The following CACNB4 variants were observed in gnomAD, a reference collection of about 807,000 sequenced individuals.
CACNB4 encodes the protein calcium voltage-gated channel auxiliary subunit beta 4.
Under a neutral mutation model 71.2 loss-of-function variants are expected in CACNB4, and 32 were observed. The observed-to-expected ratio is 0.45, with a 90% CI of 0.34 to 0.60. The LOEUF is 0.60. CACNB4 is among the 20% of genes least tolerant of loss of function. The pLI is 0.01. For missense variants in CACNB4, 464 were observed against 647.9 expected (o/e 0.72, Z 3.08); for synonymous variants, 231 against 236.9 (o/e 0.97, Z 0.23).
chr2:152,095,811 T>C (rs978771634), intron 2 of CACNB4, among the ~76,000 whole-genome samples: 13 of 151,980 alleles, frequency 8.6e-5, no homozygotes, highest in Non-Finnish European at 1.0e-4. Flanking sequence ...ACCACCACGC[T>C]TGGCAAATTT....
chr2:151,970,348 T>C lies in CACNB4; in HGVS notation c.148-86978A>G, dbSNP rs1028626367. ...GCAATATATTAACAATGACTATTTC[T>C]GGGTGGTAGGTTTTTGGTAACTTTC... is the stretch of plus-strand genomic sequence containing the variant. On this transcript the variant is annotated intron_variant, in intron 2 of 13. Coordinates refer to ENST00000539935, the MANE Select transcript of CACNB4 (RefSeq NM_000726.5). The C allele has an allele frequency of 2.0e-5, 3 of 152,210 alleles. No individual in the cohort carries two copies. In the East Asian group the frequency reaches 5.8e-4, roughly 29 times the overall value. 9.4% of individuals were successfully genotyped at this position (152,210 alleles called of 1,614,324 possible). A position where few individuals can be genotyped will look rare whatever the true frequency, so the allele number is the denominator to read the frequency against.
chr2:151,971,409 C>A, intron 2 of CACNB4: 4 of 653,596 alleles, frequency 6.1e-6, no homozygotes, highest in Admixed American at 4.6e-5. Context: ...CACCCCCAAC[C>A]GAAGTGCCGT....
intron 2 of CACNB4, among the ~76,000 whole-genome samples, chr2:151,888,451 C>T (rs939668191): frequency 4.6e-5 from 7 of 151,818 alleles, no homozygotes; most frequent in Non-Finnish European, 7.4e-5. Context: ...CTTATAGCCC[C>T]ACTACTTGGG....
chr2:152,024,229 G>T (rs1683841116), intron 2 of CACNB4, among the ~76,000 whole-genome samples: 1 of 152,212 alleles, frequency 6.6e-6, no homozygotes, highest in Non-Finnish European at 1.5e-5. Flanking sequence ...AGGCTGAGAT[G>T]GAAGGACAAA....
At chr2:151,908,984 C>A (rs2099855478) in intron 2 of CACNB4, among the ~76,000 whole-genome samples, 1 of 150,274 alleles carries the variant, frequency 6.7e-6, no homozygotes, top group Non-Finnish European at 1.5e-5. Flanking sequence ...AGAAAGGGAA[C>A]AGGTGTTATG....
intron 2 of CACNB4, among the ~76,000 whole-genome samples, chr2:151,976,672 A>G (rs535203917): frequency 1.3e-5 from 2 of 152,196 alleles, no homozygotes; most frequent in Non-Finnish European, 2.9e-5. Flanking sequence ...AACCCCAGTG[A>G]GACGCTCAGC....
At chr2:151,850,834 A>G (rs1182976182) in intron 12 of CACNB4, 2 of 152,224 alleles carry the variant, frequency 1.3e-5, no homozygotes, top group South Asian at 2.1e-4. Context: ...TTATTTTCCC[A>G]TAACACTTAC....
intron 2 of CACNB4, among the ~76,000 whole-genome samples, chr2:151,924,073 CTTTTT>C (rs59036016): frequency 1.1e-5 from 1 of 91,416 alleles, no homozygotes; most frequent in Non-Finnish European, 1.9e-5. Flanking sequence ...ATTCTGAAAT[CTTTTT>C]TTTTTTTTTT....
In CACNB4 at chr2:152,068,256, G is replaced by A. The variant is rs117136031; in HGVS notation, c.147+30074C>T. ...CCATTAGCAACTCTCCCTTCCTCTT[G>A]CTAGAGGAGAGCAATATCCCCTTGC... On this transcript the variant is annotated intron_variant, in intron 2 of 13. Transcript: ENST00000539935. Among the ~76,000 whole-genome samples the A allele has an allele frequency of 5.2e-4, 79 of 152,232 alleles. No individual in the cohort carries two copies. In the East Asian group the frequency reaches 0.01, roughly 20 times the overall value.
At chr2:152,055,701 T>A (rs2105311800) in intron 2 of CACNB4, among the ~76,000 whole-genome samples, 1 of 152,334 alleles carries the variant, frequency 6.6e-6, no homozygotes, top group South Asian at 2.1e-4. Flanking sequence ...AATTAATCCT[T>A]AAAATAGCTT....
intron 2 of CACNB4, among the ~76,000 whole-genome samples, chr2:151,991,240 C>T (rs1681688058): frequency 6.6e-6 from 1 of 152,196 alleles, no homozygotes; most frequent in South Asian, 2.1e-4. Context: ...CGGCTCCAGA[C>T]TAGTCTTAGG....
At chr2:152,030,302 G>A (rs558192993) in intron 2 of CACNB4, among the ~76,000 whole-genome samples, 46 of 152,136 alleles carry the variant, frequency 3.0e-4, no homozygotes, top group African/African-American at 1.1e-3. Context: ...ATGCTTATAA[G>A]ACACTAGATT....
chr2:152,024,606 T>C (rs1683862039), intron 2 of CACNB4, among the ~76,000 whole-genome samples: 2 of 148,884 alleles, frequency 1.3e-5, no homozygotes, highest in Admixed American at 1.3e-4. Context: ...CTTGCCCCAA[T>C]AGTTGCTTAC....
At chr2:152,040,913 C>G (rs1684838373) in intron 2 of CACNB4, among the ~76,000 whole-genome samples, 1 of 152,152 alleles carries the variant, frequency 6.6e-6, no homozygotes, top group African/African-American at 2.4e-5. Flanking sequence ...AGACAATTTC[C>G]TAGTGAGAAA....
intron 2 of CACNB4, among the ~76,000 whole-genome samples, chr2:152,023,478 CG>C: frequency 6.6e-6 from 1 of 152,136 alleles, no homozygotes; most frequent in South Asian, 2.1e-4. Flanking sequence ...CTTGTCCCCC[CG>C]GCTGGAATGC....
intron 2 of CACNB4, among the ~76,000 whole-genome samples, chr2:152,080,222 A>G (rs1164719528): frequency 2.0e-5 from 3 of 151,920 alleles, no homozygotes; most frequent in Non-Finnish European, 2.9e-5. Flanking sequence ...CCTGGGTTCA[A>G]GCGATTCTCC....
chr2:152,078,329 A>C (rs980951950), intron 2 of CACNB4, among the ~76,000 whole-genome samples: 3 of 152,216 alleles, frequency 2.0e-5, no homozygotes, highest in African/African-American at 7.2e-5. Flanking sequence ...CCCTCACCTC[A>C]TCAAAGCATC....
In CACNB4 at chr2:152,098,391, C is replaced by G; in HGVS notation, c.86G>C (p.Arg29Pro). The G allele has an allele frequency of 6.2e-7, 1 of 1,613,640 alleles. No homozygotes were observed. Among genetic ancestry groups the G allele is most frequent in the Non-Finnish European group, 8.5e-7 (1 of 1,179,626 alleles). The change falls in exon 2 of 14, where the codon CGG becomes CCG. Residue 29 changes from arginine (R) to proline (P), a missense_variant. This residue lies in a region of CACNB4 where 50 missense variants were observed against 47.5 expected (regional missense o/e 1.05). Coordinates refer to ENST00000539935, the MANE Select transcript of CACNB4 (RefSeq NM_000726.5). The surrounding 1 kb of genome is among the most constrained non-coding windows in gnomAD (Gnocchi z 5.3). ...TSQVARGTTT[R>P]RSRLKRSDGS... ...ATCGGATCTTTTCAACCTGCTCCTC[C>G]GGGTTGTGGTGCCTCGGGCCACCTG...
chr2:151,895,334 G>T (rs1041217665), intron 2 of CACNB4, among the ~76,000 whole-genome samples: 1 of 152,070 alleles, frequency 6.6e-6, no homozygotes, highest in African/African-American at 2.4e-5. Context: ...AGGCACCATG[G>T]CACATGCCTA....
Sources: gnomAD v4.1 joint callset for allele counts (sites outside exome capture counted in the v4.1 genomes callset) on GRCh38, gnomAD v4.1.1 for gene constraint, gnomAD v4.1.1 regional missense constraint, Gnocchi (gnomAD v3.1) non-coding constraint, MANE v1.5 for transcripts, NCBI Gene and HGNC (gene_info 2026-07-23, HGNC 2026-07-21) for gene names.